Variants in IFT80 observed in about 807,000 individuals in gnomAD.
IFT80 encodes the protein intraflagellar transport 80.
IFT80 carries 79 observed loss-of-function variants against 107.9 expected under a neutral mutation model. The ratio of observed to expected loss-of-function variants is 0.73; its 90% CI spans 0.61 to 0.88. The LOEUF (loss-of-function observed/expected upper bound fraction) is 0.88, where lower values mean the gene tolerates loss of function less well. Ranked by LOEUF, IFT80 falls within the 40% of genes least tolerant of loss-of-function variation. The probability of loss-of-function intolerance (pLI) is 0.00; values close to 1 mark genes in which losing one functional copy is unlikely to be tolerated. For missense variants in IFT80, 797 were observed against 914.2 expected, an observed-to-expected ratio of 0.87 and a Z score of 1.65; for synonymous variants, 299 against 300.9, an observed-to-expected ratio of 0.99 and a Z score of 0.07.
chr3:160,320,700 C>A (rs377040973), intron 8 of IFT80, among the ~76,000 whole-genome samples: 2 of 151,654 alleles, frequency 1.3e-5, no homozygotes, highest in Non-Finnish European at 2.9e-5. Flanking sequence ...ATTCTTCCAG[C>A]CTTACAGCGT....
intron 19 of IFT80, 54 bp from the exon 20 acceptor site, chr3:160,258,689 G>A (rs1283488105): frequency 6.3e-7 from 1 of 1,588,916 alleles, no homozygotes; most frequent in Non-Finnish European, 8.5e-7. Context: ...AGACATTTTT[G>A]TTTACTCCAA....
chr3:160,321,793 A>G (rs1173436675), intron 8 of IFT80, among the ~76,000 whole-genome samples: 1 of 151,926 alleles, frequency 6.6e-6, no homozygotes, highest in Non-Finnish European at 1.5e-5. Flanking sequence ...GAGGACTACC[A>G]AATTTAAAGT....
At chr3:160,273,764 TATAG>T (rs1186207165) in intron 18 of IFT80, among the ~76,000 whole-genome samples, 7 of 152,262 alleles carry the variant, frequency 4.6e-5, no homozygotes, top group African/African-American at 1.7e-4. Context: ...GTCTTAAGTG[TATAG>T]ATAGTGTAGT....
chr3:160,323,071 T>C (rs1350346550), intron 8 of IFT80, among the ~76,000 whole-genome samples: 1 of 151,330 alleles, frequency 6.6e-6, no homozygotes, highest in African/African-American at 2.4e-5. Flanking sequence ...TTGGCTTTTG[T>C]TGCCATTGCT....
intron 8 of IFT80, among the ~76,000 whole-genome samples, chr3:160,322,412 C>T (rs528131453): frequency 3.3e-5 from 5 of 152,032 alleles, no homozygotes; most frequent in South Asian, 2.1e-4. Context: ...ATATGTGCCA[C>T]ATTTTCTTAA....
rs553114042 is a variant in IFT80, at chr3:160,352,017, A to AT, written c.777+3995dup. On this transcript the variant is annotated intron_variant, in intron 8 of 19. Transcript: ENST00000326448. ...AAGTGGCAGACATAACACAATAGTA[A>AT]TTTTTTTTTTTTTTTTGAGACAGAG... 4.2e-3 allele frequency among the ~76,000 whole-genome samples: 608 copies of AT among 143,802 alleles called. 4 individuals carry two copies. The highest frequency in any genetic ancestry group is 8.3e-3 in the African/African-American group (325 of 39,146). The allele number at this position is 143,802 out of a possible 152,430, so 94.3% of individuals were successfully genotyped here.
At chr3:160,329,908 C>T (rs1718967299) in intron 8 of IFT80, among the ~76,000 whole-genome samples, 1 of 152,010 alleles carries the variant, frequency 6.6e-6, no homozygotes, top group Admixed American at 6.6e-5. Flanking sequence ...ACTTTTTCTC[C>T]CCTACACTGT....
chr3:160,322,051 A>T (rs1718272706), intron 8 of IFT80, among the ~76,000 whole-genome samples: 2 of 150,192 alleles, frequency 1.3e-5, no homozygotes, highest in South Asian at 2.1e-4. Context: ...TATTATTATT[A>T]TACTTTAAGT....
intron 19 of IFT80, among the ~76,000 whole-genome samples, chr3:160,266,992 C>T (rs1220770853): frequency 1.3e-5 from 2 of 151,950 alleles, no homozygotes; most frequent in African/African-American, 4.8e-5. Flanking sequence ...GTAGAGTATG[C>T]CCAAACTCCC....
chr3:160,274,338 G>A (rs559620288), intron 18 of IFT80, among the ~76,000 whole-genome samples: 1 of 152,246 alleles, frequency 6.6e-6, no homozygotes, highest in South Asian at 2.1e-4. Context: ...TTTCATTTGG[G>A]TCAAGGAGGT....
At chr3:160,372,371 C>T (rs1409417279) in intron 5 of IFT80, among the ~76,000 whole-genome samples, 1 of 152,178 alleles carries the variant, frequency 6.6e-6, no homozygotes, top group Non-Finnish European at 1.5e-5. Flanking sequence ...TTCAGATTTA[C>T]AATCACCCTC....
chr3:160,292,543 G>A lies in IFT80; in HGVS notation c.1316-6675C>T, dbSNP rs370205197. 8.0e-4 allele frequency among the ~76,000 whole-genome samples: 117 copies of A among 146,794 alleles called. 1 individual carries two copies. The highest frequency in any genetic ancestry group is 2.5e-3 in the African/African-American group (98 of 39,390). On this transcript the variant is annotated intron_variant, in intron 12 of 19. Coordinates refer to ENST00000326448, the MANE Select transcript of IFT80 (RefSeq NM_020800.3). ...CACCCAGGCTGGAGTGCAGTGGCGC[G>A]ATCTCAGCTCACTGCAACCTCCACC...
At chr3:160,301,346 T>C (rs183192512) in intron 11 of IFT80, among the ~76,000 whole-genome samples, 47 of 152,056 alleles carry the variant, frequency 3.1e-4, no homozygotes, top group Middle Eastern at 3.4e-3. Context: ...TTCATTTCCT[T>C]TCCTGAAGAA....
intron 1 of IFT80, 146 bp downstream of exon 1, chr3:160,399,000 G>A (rs1215264757): frequency 3.9e-5 from 6 of 152,154 alleles, no homozygotes; most frequent in Non-Finnish European, 8.8e-5. Context: ...CATCCCAAAA[G>A]CTACACCCGG....
intron 8 of IFT80, among the ~76,000 whole-genome samples, chr3:160,354,817 G>C (rs557564142): frequency 6.6e-6 from 1 of 152,310 alleles, no homozygotes; most frequent in Admixed American, 6.5e-5. Flanking sequence ...AACACACTTA[G>C]AGAGTTGTGG....
intron 9 of IFT80, among the ~76,000 whole-genome samples, chr3:160,310,155 C>G (rs1426550089): frequency 6.6e-6 from 1 of 152,218 alleles, no homozygotes; most frequent in Non-Finnish European, 1.5e-5. Flanking sequence ...GAGCAAGGCC[C>G]TCATGGAAAA....
chr3:160,315,089 G>A lies in IFT80; in HGVS notation c.957+4671C>T, dbSNP rs866172420. Among the ~76,000 whole-genome samples, 11 of 121,632 alleles carry A rather than the reference G, an allele frequency of 9.0e-5. No homozygotes were observed. In the South Asian group the frequency reaches 3.5e-3, roughly 39 times the overall value. The allele number at this position is 121,632 out of a possible 152,430, so 79.8% of individuals were successfully genotyped here. A position where few individuals can be genotyped will look rare whatever the true frequency, so the allele number is the denominator to read the frequency against. On this transcript the variant is annotated intron_variant, in intron 9 of 19. Transcript: ENST00000326448. ...GGAGGGAGGGAGGGAGGGAGGGAGG[G>A]AAAAAGAGAGAGAGAAAGAAAGAAA...
intron 5 of IFT80, among the ~76,000 whole-genome samples, chr3:160,371,948 C>T (rs1018778999): frequency 1.3e-5 from 2 of 152,086 alleles, no homozygotes; most frequent in African/African-American, 2.4e-5. Flanking sequence ...CTCTGGTGTA[C>T]ATATTATTTT....
At chr3:160,382,789 G>A (rs1712625049) in intron 2 of IFT80, among the ~76,000 whole-genome samples, 1 of 152,068 alleles carries the variant, frequency 6.6e-6, no homozygotes, top group Admixed American at 6.6e-5. Context: ...CAGACAATGC[G>A]CCTAATTATT....
Sources: gnomAD v4.1 joint callset for allele counts (sites outside exome capture counted in the v4.1 genomes callset) on GRCh38, gnomAD v4.1.1 for gene constraint, MANE v1.5 for transcripts, NCBI Gene and HGNC (gene_info 2026-07-23, HGNC 2026-07-21) for gene names.